Variants in TMEM132D observed in about 807,000 individuals in gnomAD.
TMEM132D encodes the protein transmembrane protein 132D, also known as mature OL transmembrane protein.
In TMEM132D, 21 loss-of-function variants were observed where a neutral mutation model predicts 62.3. The ratio of observed to expected loss-of-function variants is 0.34; its 90% confidence interval spans 0.24 to 0.49. The LOEUF is 0.49. TMEM132D is among the 20% of genes least tolerant of loss of function. The pLI is 0.99. For synonymous variants in TMEM132D, 621 were observed against 575.6 expected (o/e 1.08, Z -1.13); for missense variants, 1,346 against 1,402.8 (o/e 0.96, Z 0.65).
intron 5 of TMEM132D, among the ~76,000 whole-genome samples, chr12:129,097,534 T>C (rs116993182): frequency 0.016 from 2,483 of 152,326 alleles, 33 homozygotes; most frequent in Middle Eastern, 0.041. Flanking sequence ...TGTAGCATCT[T>C]CCACAAAGAA....
intron 5 of TMEM132D, among the ~76,000 whole-genome samples, chr12:129,153,025 T>G (rs934958802): frequency 6.6e-6 from 1 of 152,198 alleles, no homozygotes; most frequent in Non-Finnish European, 1.5e-5. Context: ...CTCCTCCCTT[T>G]GTCTTTGCAG....
At chr12:129,890,346 C>T (rs759494081) in intron 1 of TMEM132D, among the ~76,000 whole-genome samples, 3 of 152,074 alleles carry the variant, frequency 2.0e-5, no homozygotes, top group African/African-American at 4.8e-5. Flanking sequence ...GTAGTCCTGC[C>T]GGGCCCTACA....
At chr12:129,503,471 GAAGA>G (rs1875217567) in intron 3 of TMEM132D, among the ~76,000 whole-genome samples, 1 of 152,126 alleles carries the variant, frequency 6.6e-6, no homozygotes, top group African/African-American at 2.4e-5. Context: ...GAGAGAGAAA[GAAGA>G]AAGGGAAGAC....
chr12:129,148,637 C>G (rs918921059), intron 5 of TMEM132D, among the ~76,000 whole-genome samples: 10 of 152,176 alleles, frequency 6.6e-5, no homozygotes, highest in Non-Finnish European at 1.5e-5. Flanking sequence ...TTCCAGATCT[C>G]TAAGATGATA....
chr12:129,164,809 A>G (rs2015985), intron 5 of TMEM132D, among the ~76,000 whole-genome samples: 93,809 of 151,752 alleles, frequency 0.62, 29,378 homozygotes, highest in Non-Finnish European at 0.67. Context: ...CTTGACACAT[A>G]GGGATTTTTG....
intron 5 of TMEM132D, among the ~76,000 whole-genome samples, chr12:129,185,310 T>C (rs1359545035): frequency 6.6e-6 from 1 of 151,992 alleles, no homozygotes; most frequent in African/African-American, 2.4e-5. Context: ...AGAATAAAAA[T>C]GTAGCAGTTA....
intron 2 of TMEM132D, among the ~76,000 whole-genome samples, chr12:129,535,065 G>A (rs747661578): frequency 3.9e-5 from 6 of 152,310 alleles, no homozygotes; most frequent in Non-Finnish European, 7.3e-5. Flanking sequence ...TCCATTGCTG[G>A]TAACCCAGGT....
rs553187925 is a variant in TMEM132D at position 129,717,603 on chromosome 12, AAC to A, written c.80-16907_80-16906del. Among the ~76,000 whole-genome samples the A allele has an allele frequency of 1.4e-3, 210 of 150,260 alleles. 1 individual carries two copies. Among genetic ancestry groups the A allele is most frequent in the African/African-American group, 4.9e-3 (201 of 41,192 alleles). ...AATATGGGAAACACAGAATATGGGA[AAC>A]ACAGAATATGAGGCCCACAGAAATG... On this transcript the variant is annotated intron_variant, in intron 1 of 8. Coordinates refer to ENST00000422113, the MANE Select transcript of TMEM132D (RefSeq NM_133448.3).
intron 3 of TMEM132D, among the ~76,000 whole-genome samples, chr12:129,505,905 A>G (rs1875315105): frequency 6.6e-6 from 1 of 152,148 alleles, no homozygotes; most frequent in African/African-American, 2.4e-5. Flanking sequence ...CCTTAAGTTT[A>G]TGTGAGTCCT....
chr12:129,545,512 A>T (rs191665815), intron 2 of TMEM132D, among the ~76,000 whole-genome samples: 1 of 152,276 alleles, frequency 6.6e-6, no homozygotes, highest in Non-Finnish European at 1.5e-5. Context: ...TTTTAGGTGC[A>T]CAGTAGAGTA....
chr12:129,727,464 T>G (rs925383656), intron 1 of TMEM132D, among the ~76,000 whole-genome samples: 1 of 152,194 alleles, frequency 6.6e-6, no homozygotes, highest in South Asian at 2.1e-4. Context: ...TCTAATCACC[T>G]CTTAAAGGTC....
intron 1 of TMEM132D, among the ~76,000 whole-genome samples, chr12:129,838,686 A>G (rs1041462746): frequency 2.9e-4 from 44 of 152,342 alleles, no homozygotes; most frequent in Non-Finnish European, 1.5e-5. Flanking sequence ...GAAAAATAGT[A>G]TTCATAGGAT....
chr12:129,443,617 C>T (rs1201565308), intron 3 of TMEM132D, among the ~76,000 whole-genome samples: 1 of 151,852 alleles, frequency 6.6e-6, no homozygotes, highest in African/African-American at 2.4e-5. Context: ...TCTCCATTTC[C>T]TTTCACCCCT....
intron 3 of TMEM132D, among the ~76,000 whole-genome samples, chr12:129,353,443 G>A (rs946859777): frequency 6.6e-5 from 10 of 152,058 alleles, no homozygotes; most frequent in Non-Finnish European, 1.2e-4. Context: ...CATCACTTCC[G>A]AACAGTTTGG....
intron 4 of TMEM132D, among the ~76,000 whole-genome samples, chr12:129,235,374 C>T (rs1879752097): frequency 6.6e-6 from 1 of 150,628 alleles, no homozygotes. Flanking sequence ...CTTTTGTGGG[C>T]AATTCTTTCT....
chr12:129,505,677 T>C (rs569333978), intron 3 of TMEM132D, among the ~76,000 whole-genome samples: 2 of 152,350 alleles, frequency 1.3e-5, no homozygotes, highest in African/African-American at 4.8e-5. Context: ...GGTCTAGTAG[T>C]AACTGTTTTA....
At chr12:129,330,125 T>C (rs1454429282) in intron 4 of TMEM132D, among the ~76,000 whole-genome samples, 1 of 152,064 alleles carries the variant, frequency 6.6e-6, no homozygotes, top group African/African-American at 2.4e-5. Context: ...TCCTTAACGA[T>C]TACATGATTG....
chr12:129,108,170 T>A (rs952446996), intron 5 of TMEM132D, among the ~76,000 whole-genome samples: 3 of 152,138 alleles, frequency 2.0e-5, no homozygotes, highest in Admixed American at 2.0e-4. Context: ...CCTACTGAGA[T>A]CTGTGGCTCT....
At chr12:129,766,138 G>A (rs1200231457) in intron 1 of TMEM132D, among the ~76,000 whole-genome samples, 1 of 151,966 alleles carries the variant, frequency 6.6e-6, no homozygotes, top group African/African-American at 2.4e-5. Flanking sequence ...GAAATGGGGT[G>A]GCTGCTTCCT....
Sources: gnomAD v4.1 joint callset for allele counts (sites outside exome capture counted in the v4.1 genomes callset) on GRCh38, gnomAD v4.1.1 for gene constraint, MANE v1.5 for transcripts, NCBI Gene and HGNC (gene_info 2026-07-23, HGNC 2026-07-21) for gene names.